Variants in HECW2 observed in about 807,000 individuals in gnomAD.
HECW2 encodes E3 ubiquitin-protein ligase HECW2.
Under a neutral mutation model 175.2 loss-of-function variants are expected in HECW2, and 61 were observed. The ratio of observed to expected loss-of-function variants is 0.35; its 90% CI spans 0.28 to 0.43. The LOEUF (loss-of-function observed/expected upper bound fraction) is 0.43. Ranked by LOEUF, HECW2 falls within the 20% of genes least tolerant of loss-of-function variation. HECW2 has a pLI of 1.00. For synonymous variants in HECW2, 671 were observed against 731.0 expected (o/e 0.92, Z 1.32); for missense variants, 1,524 against 2,000.5 (o/e 0.76, Z 4.54).
intron 1 of HECW2, among the ~76,000 whole-genome samples, chr2:196,517,942 C>T (rs1254171384): frequency 6.6e-6 from 1 of 152,158 alleles, no homozygotes; most frequent in Non-Finnish European, 1.5e-5. Context: ...CAGGTAAAAC[C>T]TCATGGGATA....
chr2:196,427,955 C>T (rs950082657), intron 2 of HECW2, among the ~76,000 whole-genome samples: 12 of 152,202 alleles, frequency 7.9e-5, no homozygotes, highest in African/African-American at 2.4e-4. Flanking sequence ...GAAGGATTTA[C>T]TTTTCTGATT....
intron 1 of HECW2, among the ~76,000 whole-genome samples, chr2:196,571,678 G>C (rs1690393527): frequency 6.6e-6 from 1 of 151,892 alleles, no homozygotes; most frequent in Non-Finnish European, 1.5e-5. Context: ...TCCGGCCTGG[G>C]CAATGGGATG....
At chr2:196,593,281 G>A (rs1057112245) in intron 1 of HECW2, among the ~76,000 whole-genome samples, 2 of 151,218 alleles carry the variant, frequency 1.3e-5, no homozygotes, top group Non-Finnish European at 3.0e-5. Flanking sequence ...CGCTCGGGAG[G>A]GCGCCGGGGG....
At chr2:196,576,716 C>CA (rs893517976) in intron 1 of HECW2, among the ~76,000 whole-genome samples, 11 of 151,398 alleles carry the variant, frequency 7.3e-5, no homozygotes, top group Non-Finnish European at 1.5e-4. Context: ...GTTCTCACCA[C>CA]AAAAAAAAGA....
At chr2:196,231,003 T>A (rs896407345) in intron 21 of HECW2, among the ~76,000 whole-genome samples, 1 of 138,912 alleles carries the variant, frequency 7.2e-6, no homozygotes, top group Non-Finnish European at 1.5e-5. Flanking sequence ...CTCGAGAGGC[T>A]GAGGCAGGAG....
intron 1 of HECW2, among the ~76,000 whole-genome samples, chr2:196,572,560 T>C (rs1690424306): frequency 6.6e-6 from 1 of 152,230 alleles, no homozygotes; most frequent in African/African-American, 2.4e-5. Context: ...TACTGAATTG[T>C]ACATTTAAAA....
intron 1 of HECW2, among the ~76,000 whole-genome samples, chr2:196,512,885 C>T (rs2125418872): frequency 6.6e-6 from 1 of 151,762 alleles, no homozygotes; most frequent in South Asian, 2.1e-4. Flanking sequence ...AGAGACGGGG[C>T]CTCACCATGT....
At chr2:196,262,023 A>G (rs1249048235) in intron 17 of HECW2, among the ~76,000 whole-genome samples, 2 of 137,708 alleles carry the variant, frequency 1.5e-5, no homozygotes, top group East Asian at 4.3e-4. Context: ...TCAAGTTTAT[A>G]ATGTATACAG....
intron 1 of HECW2, among the ~76,000 whole-genome samples, chr2:196,516,297 T>C (rs1209210530): frequency 6.6e-6 from 1 of 152,184 alleles, no homozygotes; most frequent in Non-Finnish European, 1.5e-5. Flanking sequence ...TCAAAGCATA[T>C]AAACAAACAG....
intron 16 of HECW2, 94 bp from the exon 17 acceptor site, chr2:196,271,383 A>C (rs2105963667): frequency 1.2e-6 from 1 of 853,124 alleles, no homozygotes; most frequent in East Asian, 2.7e-5. Context: ...CACCGGGTTC[A>C]AGCAATTTTC....
At chr2:196,446,438 C>G (rs1457750072) in intron 1 of HECW2, among the ~76,000 whole-genome samples, 1 of 152,160 alleles carries the variant, frequency 6.6e-6, no homozygotes, top group African/African-American at 2.4e-5. Flanking sequence ...TGCATCTCCT[C>G]CCCCTAGAAT....
intron 17 of HECW2, chr2:196,264,034 A>T (rs1407188888): frequency 6.6e-6 from 1 of 152,160 alleles, no homozygotes; most frequent in Non-Finnish European, 1.5e-5. Context: ...ATTGTTGGCA[A>T]GTTGTTCTAA....
rs949513488 is a variant in HECW2, at chr2:196,323,899, GTTTTTTTTGTTTTTTGTTTGTTTTT to G, written c.741+1056_741+1080del. On this transcript the variant is annotated intron_variant, in intron 6 of 28. Transcript: ENST00000644978. ...TAGACTAAGTGGCATGCCCTTAAGA[GTTTTTTTTGTTTTTTGTTTGTTTTT>G]TTTTTTTTTTTTTACCATGATGAGA... Among the ~76,000 whole-genome samples the G allele has an allele frequency of 8.5e-5, 10 of 118,142 alleles. 1 individual carries two copies. The highest frequency in any genetic ancestry group is 3.6e-4 in the African/African-American group (10 of 27,816). The allele number at this position is 118,142 out of a possible 152,430, so 77.5% of individuals were successfully genotyped here.
intron 2 of HECW2, among the ~76,000 whole-genome samples, chr2:196,354,035 T>G (rs1055796971): frequency 7.2e-5 from 11 of 152,182 alleles, no homozygotes; most frequent in African/African-American, 1.9e-4. Flanking sequence ...CGAATGCAAG[T>G]AATCAAAAGG....
Position 196,271,209 on chromosome 2 carries a change from T to C in HECW2, c.3319A>G (p.Arg1107Gly). 6.2e-7 allele frequency: 1 copy of C among 1,601,066 alleles called. No homozygotes were observed. The highest frequency in any genetic ancestry group is 1.7e-5 in the Admixed American group (1 of 60,008). Residue 1107 changes from arginine to glycine, a missense_variant, in exon 17 of 29, where the codon AGG becomes GGG. Arg to Gly is a moderately radical substitution (Grantham distance 125). This residue lies in a region of HECW2 where 291 missense variants were observed against 412.2 expected (regional missense o/e 0.71). Transcript: ENST00000644978. ...TATTGTTACCTGAGTGAGTGATTCC[T>C]GGTAAGATCAGGTTGACGCTCCTGT... ...ILQERQPDLT[R>G]NHSLREKIQF...
intron 1 of HECW2, among the ~76,000 whole-genome samples, chr2:196,566,227 A>G (rs1690182490): frequency 6.6e-6 from 1 of 151,942 alleles, no homozygotes; most frequent in African/African-American, 2.4e-5. Context: ...AAACCATTCT[A>G]AGAAACAGTG....
intron 1 of HECW2, among the ~76,000 whole-genome samples, chr2:196,568,454 C>T (rs1690257220): frequency 6.6e-6 from 1 of 152,112 alleles, no homozygotes; most frequent in Non-Finnish European, 1.5e-5. Context: ...ATACAGACAG[C>T]CCCTTACTTA....
intron 1 of HECW2, among the ~76,000 whole-genome samples, chr2:196,556,111 G>A: frequency 6.6e-6 from 1 of 151,938 alleles, no homozygotes; most frequent in East Asian, 1.9e-4. Context: ...AATTTTATTT[G>A]TGCAAATTTA....
chr2:196,301,988 A>AT (rs994724231), intron 13 of HECW2, among the ~76,000 whole-genome samples: 2 of 151,934 alleles, frequency 1.3e-5, no homozygotes, highest in Non-Finnish European at 2.9e-5. Context: ...TATTGCCTAG[A>AT]TTTTTTTGTA....
Sources: gnomAD v4.1 joint callset for allele counts (sites outside exome capture counted in the v4.1 genomes callset) on GRCh38, gnomAD v4.1.1 for gene constraint, gnomAD v4.1.1 regional missense constraint, MANE v1.5 for transcripts, NCBI Gene and HGNC (gene_info 2026-07-23, HGNC 2026-07-21) for gene names.